Variants in PPP4R3B observed in about 807,000 individuals in gnomAD.
PPP4R3B encodes the protein protein phosphatase 4 regulatory subunit 3B.
Under a neutral mutation model 95.4 loss-of-function variants are expected in PPP4R3B, and 52 were observed. The ratio of observed to expected loss-of-function variants is 0.54; its 90% CI spans 0.44 to 0.69. The LOEUF (loss-of-function observed/expected upper bound fraction) is 0.69, where lower values mean the gene tolerates loss of function less well. Ranked by LOEUF, PPP4R3B falls within the 30% of genes least tolerant of loss-of-function variation. PPP4R3B has a pLI of 0.00. For missense variants in PPP4R3B, 1,003 were observed against 1,005.9 expected (o/e 1.00, Z 0.04); for synonymous variants, 407 against 343.9 (o/e 1.18, Z -2.03).
At chr2:55,553,747 T>G (rs957290268) in intron 16 of PPP4R3B, among the ~76,000 whole-genome samples, 7 of 152,222 alleles carry the variant, frequency 4.6e-5, no homozygotes, top group African/African-American at 1.7e-4. Context: ...TACCACAATG[T>G]TTTCAAAGTT....
intron 11 of PPP4R3B, among the ~76,000 whole-genome samples, chr2:55,574,388 T>C (rs1241132058): frequency 1.3e-5 from 2 of 151,804 alleles, no homozygotes; most frequent in East Asian, 3.9e-4. Context: ...ACTGAGGAGT[T>C]CTTGGTAATG....
At chr2:55,594,301 AT>A (rs746219146) in intron 4 of PPP4R3B, among the ~76,000 whole-genome samples, 17,553 of 94,938 alleles carry the variant, frequency 0.18, 1,212 homozygotes, top group South Asian at 0.3. Context: ...TGAATCTAAA[AT>A]AAAAAAAAAA....
intron 15 of PPP4R3B, 58 bp from the exon 16 acceptor site, chr2:55,559,026 C>T (rs1192457421): frequency 7.5e-7 from 1 of 1,339,716 alleles, no homozygotes; most frequent in Non-Finnish European, 1.0e-6. Context: ...GTCAAAACAT[C>T]TAAAAACAGC....
At chr2:55,614,528 A>G (rs1476736876) in intron 2 of PPP4R3B, 1 of 152,192 alleles carries the variant, frequency 6.6e-6, no homozygotes, top group Non-Finnish European at 1.5e-5. Context: ...TAAAGTTTAA[A>G]AACACACAAC....
At chr2:55,589,240 T>G (rs2104348103) in intron 4 of PPP4R3B, among the ~76,000 whole-genome samples, 1 of 152,362 alleles carries the variant, frequency 6.6e-6, no homozygotes, top group South Asian at 2.1e-4. Context: ...GAAAACTCAC[T>G]TAACTTAGAT....
At position 55,604,057 on chromosome 2, in the gene PPP4R3B, G is replaced by A; in HGVS notation, c.218C>T (p.Ser73Leu). ...QKQQDTLIVW[S>L]EAENYDLALS... ...AGCCAAATCATAGTTCTCTGCTTCTGACCAAACAATTAATGTATCCTGTTT... is the reference window on the plus strand; with the variant it reads ...AGCCAAATCATAGTTCTCTGCTTCTAACCAAACAATTAATGTATCCTGTTT... The change falls in exon 3 of 17, where the codon TCA becomes TTA. Residue 73 changes from serine to leucine, a missense_variant. Physicochemically the swap from Ser to Leu is moderately radical, Grantham distance 145. Transcript: ENST00000616407. 6.2e-7 allele frequency: 1 copy of A among 1,607,330 alleles called. No individual in the cohort carries two copies. Among genetic ancestry groups the A allele is most frequent in the Non-Finnish European group, 8.5e-7 (1 of 1,177,152 alleles).
chr2:55,571,505 A>G (rs1687991485), intron 12 of PPP4R3B, among the ~76,000 whole-genome samples: 1 of 152,342 alleles, frequency 6.6e-6, no homozygotes, highest in Non-Finnish European at 1.5e-5. Flanking sequence ...ATGAAAGAAA[A>G]AAATGTCTAA....
intron 4 of PPP4R3B, among the ~76,000 whole-genome samples, chr2:55,598,123 GGAA>G (rs1006873625): frequency 2.0e-5 from 3 of 152,084 alleles, no homozygotes; most frequent in African/African-American, 7.2e-5. Context: ...GGGAGGCTGA[GGAA>G]GAAGAATTGC....
chr2:55,609,874 A>T (rs1266977421), intron 2 of PPP4R3B, among the ~76,000 whole-genome samples: 1 of 152,124 alleles, frequency 6.6e-6, no homozygotes, highest in Admixed American at 6.5e-5. Flanking sequence ...ATATATAAGA[A>T]ACTGGTGATG....
At chr2:55,552,536 T>C (rs969732715) in intron 16 of PPP4R3B, among the ~76,000 whole-genome samples, 2 of 152,150 alleles carry the variant, frequency 1.3e-5, no homozygotes, top group Admixed American at 1.3e-4. Context: ...TTGGGCTACA[T>C]GCATGCACCA....
intron 11 of PPP4R3B, 53 bp downstream of exon 11, chr2:55,577,262 T>C (rs1039134760): frequency 3.3e-6 from 5 of 1,510,246 alleles, no homozygotes; most frequent in Non-Finnish European, 2.6e-6. Context: ...ACACTTAGAG[T>C]AGAAAAAAGT....
Position 55,598,682 on chromosome 2 carries a change from T to C in PPP4R3B, c.655A>G (p.Ile219Val). The C allele has an allele frequency of 6.2e-7, 1 of 1,614,220 alleles. No individual in the cohort carries two copies. The highest frequency in any genetic ancestry group is 8.5e-7 in the Non-Finnish European group (1 of 1,180,044). ...TCAAGGCATCCCACGACATCCATGA[T>C]ACACTCATCAGAAAACATTACCTCA... ...LFEVMFSDECIMDVVGCLEYD... is the reference protein window; with the variant it reads ...LFEVMFSDECVMDVVGCLEYD... The change falls in exon 4 of 17, where the codon ATC (isoleucine) becomes GTC (valine). Residue 219 changes from isoleucine to valine, a missense_variant. Transcript: ENST00000616407.
chr2:55,617,344 C>G lies in PPP4R3B; in HGVS notation c.-59G>C. ...CTCCTCGCTTACCTCGTCCGCGCTC[C>G]TCACTCTTAGGAGACGGTAAAGGCA... On this transcript the variant is annotated 5_prime_UTR_variant, in exon 1 of 17. Coordinates refer to ENST00000616407, the MANE Select transcript of PPP4R3B (RefSeq NM_001122964.3). 1 of 1,510,924 alleles carries G rather than the reference C, an allele frequency of 6.6e-7. No homozygotes were observed. The highest frequency in any genetic ancestry group is 8.9e-7 in the Non-Finnish European group (1 of 1,124,950). 93.6% of individuals were successfully genotyped at this position (1,510,924 alleles called of 1,614,324 possible).
At chr2:55,584,560 T>G (rs990102799) in intron 7 of PPP4R3B, among the ~76,000 whole-genome samples, 1 of 152,200 alleles carries the variant, frequency 6.6e-6, no homozygotes, top group Non-Finnish European at 1.5e-5. Flanking sequence ...TGCATCCTCA[T>G]AGCTTAGCTC....
intron 16 of PPP4R3B, among the ~76,000 whole-genome samples, chr2:55,557,724 C>T (rs992292883): frequency 6.6e-6 from 1 of 152,120 alleles, no homozygotes; most frequent in Non-Finnish European, 1.5e-5. Flanking sequence ...TAGGTATGTA[C>T]TACCACGGTG....
At chr2:55,607,829 C>G (rs1693630960) in intron 2 of PPP4R3B, among the ~76,000 whole-genome samples, 1 of 152,172 alleles carries the variant, frequency 6.6e-6, no homozygotes, top group Non-Finnish European at 1.5e-5. Context: ...TATCTACAGT[C>G]AGGTCAATGG....
chr2:55,599,505 T>C (rs550137837), intron 3 of PPP4R3B, among the ~76,000 whole-genome samples: 79 of 152,274 alleles, frequency 5.2e-4, no homozygotes, highest in African/African-American at 1.8e-3. Context: ...TCCAGCTTGG[T>C]CCCTGAATGA....
At chr2:55,577,596 G>C (rs895898033) in intron 10 of PPP4R3B, among the ~76,000 whole-genome samples, 1 of 152,058 alleles carries the variant, frequency 6.6e-6, no homozygotes, top group Admixed American at 6.5e-5. Context: ...TAAAAAGTAA[G>C]ATTACAACCA....
chr2:55,568,343 G>A lies in PPP4R3B; in HGVS notation c.1786C>T (p.Arg596Trp), dbSNP rs1033132264. 3.1e-6 allele frequency: 5 copies of A among 1,595,896 alleles called. No homozygotes were observed. Among genetic ancestry groups the A allele is most frequent in the African/African-American group, 1.3e-5 (1 of 74,226 alleles). Residue 596 changes from arginine to tryptophan, a missense_variant, in exon 13 of 17, where the codon CGG becomes TGG. Coordinates refer to ENST00000616407, the MANE Select transcript of PPP4R3B (RefSeq NM_001122964.3). ...AATTCATCTTTAAGTCCAATTATCC[G>A]CCTCATAAAGCGAAGGGCACCTAAT... is the stretch of plus-strand genomic sequence containing the variant. Reference protein sequence around the residue: ...LALCALRFMRRIIGLKDEFYN... With the variant: ...LALCALRFMRWIIGLKDEFYN...
Sources: allele counts gnomAD v4.1 joint callset (sites outside exome capture counted in the v4.1 genomes callset), GRCh38; gene constraint gnomAD v4.1.1; transcripts MANE v1.5; gene names NCBI Gene and HGNC (gene_info 2026-07-23, HGNC 2026-07-21).